BCKDHB: variants seen among roughly 807,000 people sequenced by gnomAD.
BCKDHB encodes branched chain keto acid dehydrogenase E1 subunit beta, also known as 2-oxoisovalerate dehydrogenase subunit beta, mitochondrial.
A neutral mutation model predicts 48.5 loss-of-function variants in BCKDHB; 41 were observed. The ratio of observed to expected loss-of-function variants is 0.85; its 90% confidence interval spans 0.66 to 1.10. The LOEUF is 1.10. Ranked by LOEUF, BCKDHB falls within the 50% of genes least tolerant of loss-of-function variation. The pLI is 0.00. For synonymous variants in BCKDHB, 201 were observed against 174.8 expected (o/e 1.15, Z -1.18); for missense variants, 496 against 494.2 (o/e 1.00, Z -0.03).
At chr6:80,451,154 A>G in the BCKDHB span, among the ~76,000 whole-genome samples, 1 of 152,172 alleles carries the variant, frequency 6.6e-6, no homozygotes, top group Non-Finnish European at 1.5e-5. Context: ...CGGTTTCCTC[A>G]TTTCTACCAA....
At chr6:80,118,400 A>G (rs958209651) in intron 1 of BCKDHB, among the ~76,000 whole-genome samples, 1 of 152,222 alleles carries the variant, frequency 6.6e-6, no homozygotes, top group African/African-American at 2.4e-5. Context: ...ATTGCCAACA[A>G]TCATCTGAAA....
chr6:80,330,975 C>G (rs73465567), intron 9 of BCKDHB, among the ~76,000 whole-genome samples: 11,485 of 152,206 alleles, frequency 0.075, 617 homozygotes, highest in South Asian at 0.24. Context: ...AAGCTGAATT[C>G]TAGTAATTAC....
At chr6:80,333,174 C>T (rs751393164) in intron 9 of BCKDHB, among the ~76,000 whole-genome samples, 5 of 152,206 alleles carry the variant, frequency 3.3e-5, no homozygotes, top group African/African-American at 7.2e-5. Context: ...AAGACTTTTA[C>T]GAAAACTTAA....
At chr6:80,167,834 G>A (rs772426371) in intron 4 of BCKDHB, 23 bp downstream of exon 4, 1 of 1,610,000 alleles carries the variant, frequency 6.2e-7, no homozygotes, top group South Asian at 1.1e-5. Context: ...ACATTTCTAA[G>A]GTTGTTCATT....
intron 8 of BCKDHB, among the ~76,000 whole-genome samples, chr6:80,220,304 G>GTTTTTTTTTTT (rs56967096): frequency 6.6e-5 from 4 of 60,858 alleles, no homozygotes; most frequent in African/African-American, 2.7e-4. Flanking sequence ...CATGCTATTT[G>GTTTTTTTTTTT]TTTTTTTTTT....
chr6:80,157,459 A>ATTTTTTTTTTTTTTTTTTTTTTT (rs36063034), intron 3 of BCKDHB, among the ~76,000 whole-genome samples: 1 of 96,752 alleles, frequency 1.0e-5, no homozygotes, highest in African/African-American at 3.8e-5. Context: ...TTGGGTGAGA[A>ATTTTTTTTTTTTTTTTTTTTTTT]TTTTTTTTTT....
chr6:80,392,629 T>C, the BCKDHB span, among the ~76,000 whole-genome samples: 1 of 151,864 alleles, frequency 6.6e-6, no homozygotes, highest in Non-Finnish European at 1.5e-5. Flanking sequence ...CATGTTGCCT[T>C]TTATAAATTG....
At chr6:80,254,507 G>A (rs935711885) in intron 8 of BCKDHB, among the ~76,000 whole-genome samples, 3 of 151,870 alleles carry the variant, frequency 2.0e-5, no homozygotes, top group African/African-American at 7.3e-5. Context: ...ACCAGCCCAG[G>A]CAACATAGTG....
At chr6:80,324,225 A>G (rs1346113154) in intron 9 of BCKDHB, among the ~76,000 whole-genome samples, 1 of 152,176 alleles carries the variant, frequency 6.6e-6, no homozygotes, top group African/African-American at 2.4e-5. Context: ...ATCCATTACA[A>G]TTTCCCAGCA....
At chr6:80,432,533 G>A in the BCKDHB span, among the ~76,000 whole-genome samples, 26 of 151,980 alleles carry the variant, frequency 1.7e-4, no homozygotes, top group Admixed American at 1.6e-3. Context: ...GGCTCCATCT[G>A]GTCATTTATG....
chr6:80,159,303 A>C (rs529908882), intron 3 of BCKDHB, among the ~76,000 whole-genome samples: 2 of 152,272 alleles, frequency 1.3e-5, no homozygotes, highest in South Asian at 2.1e-4. Context: ...AACCCAAAAA[A>C]ACAACAAAAA....
intron 8 of BCKDHB, among the ~76,000 whole-genome samples, chr6:80,218,519 T>G (rs1427603838): frequency 6.6e-6 from 1 of 152,234 alleles, no homozygotes; most frequent in Admixed American, 6.5e-5. Context: ...TTCACCACTA[T>G]GACACATAAC....
chr6:80,389,172 C>A, the BCKDHB span, among the ~76,000 whole-genome samples: 137,997 of 152,230 alleles, frequency 0.91, 63,960 homozygotes, highest in East Asian at 1. Flanking sequence ...AGGATGACCC[C>A]TTCTGTGGAC....
chr6:80,198,527 A>C (rs192197532), intron 6 of BCKDHB, among the ~76,000 whole-genome samples: 1 of 152,004 alleles, frequency 6.6e-6, no homozygotes, highest in East Asian at 1.9e-4. Flanking sequence ...TGGATTGGAA[A>C]TCTACAAAAA....
downstream of BCKDHB, among the ~76,000 whole-genome samples, chr6:80,349,846 T>C (rs1398249342): frequency 6.6e-6 from 1 of 152,166 alleles, no homozygotes; most frequent in African/African-American, 2.4e-5. Context: ...ATCACTTTAC[T>C]TGCAATTTGA....
intron 1 of BCKDHB, among the ~76,000 whole-genome samples, chr6:80,113,808 T>C (rs1769540549): frequency 6.6e-6 from 1 of 152,176 alleles, no homozygotes; most frequent in African/African-American, 2.4e-5. Context: ...TGGCTGAAGA[T>C]TGCAGGTTAC....
chr6:80,250,784 A>C (rs1776807068), intron 8 of BCKDHB, among the ~76,000 whole-genome samples: 1 of 152,160 alleles, frequency 6.6e-6, no homozygotes, highest in Non-Finnish European at 1.5e-5. Context: ...CAGCATGCTT[A>C]TCTAAGCTTA....
intron 8 of BCKDHB, among the ~76,000 whole-genome samples, chr6:80,206,424 C>A (rs1311123709): frequency 6.6e-6 from 1 of 151,964 alleles, no homozygotes; most frequent in Non-Finnish European, 1.5e-5. Context: ...AAAGCAGAAG[C>A]ACAGCTGATC....
chr6:80,142,215 T>C (rs1317991016), intron 3 of BCKDHB, among the ~76,000 whole-genome samples: 2 of 152,072 alleles, frequency 1.3e-5, no homozygotes, highest in Non-Finnish European at 2.9e-5. Context: ...ATTTATTTTA[T>C]TGAGTAATAA....
Sources: gnomAD v4.1 joint callset for allele counts (sites outside exome capture counted in the v4.1 genomes callset) on GRCh38, gnomAD v4.1.1 for gene constraint, MANE v1.5 for transcripts, NCBI Gene and HGNC (gene_info 2026-07-23, HGNC 2026-07-21) for gene names.